Variants in HAT1 observed in about 807,000 individuals in gnomAD.
The protein encoded by HAT1 is histone acetyltransferase type B catalytic subunit.
A neutral mutation model predicts 56.6 loss-of-function variants in HAT1; 20 were observed. The ratio of observed to expected loss-of-function variants is 0.35; its 90% confidence interval spans 0.25 to 0.51. HAT1 has a LOEUF of 0.51. Ranked by LOEUF, HAT1 falls within the 20% of genes least tolerant of loss-of-function variation. HAT1 has a pLI of 0.95. For synonymous variants in HAT1, 146 were observed against 165.5 expected, an observed-to-expected ratio of 0.88 and a Z score of 0.91; for missense variants, 408 against 504.3, an observed-to-expected ratio of 0.81 and a Z score of 1.83.
chr2:171,950,885 C>G (rs1428414959), intron 3 of HAT1, among the ~76,000 whole-genome samples: 1 of 152,118 alleles, frequency 6.6e-6, no homozygotes, highest in Non-Finnish European at 1.5e-5. Context: ...TCTCGGCTCA[C>G]TGCAAGCTGC....
At chr2:171,973,844 G>C (rs780137160) in intron 8 of HAT1, among the ~76,000 whole-genome samples, 1 of 151,992 alleles carries the variant, frequency 6.6e-6, no homozygotes, top group Non-Finnish European at 1.5e-5. Context: ...TGGCACTTCT[G>C]GTACCAAAAA....
intron 9 of HAT1, among the ~76,000 whole-genome samples, chr2:171,976,789 C>T (rs756740243): frequency 6.6e-6 from 1 of 152,120 alleles, no homozygotes; most frequent in South Asian, 2.1e-4. Flanking sequence ...AAGTTTATTA[C>T]ATTTATGTAA....
At chr2:171,967,075 A>T (rs1687699980) in intron 8 of HAT1, 126 bp downstream of exon 8, 2 of 584,408 alleles carry the variant, frequency 3.4e-6, no homozygotes, top group African/African-American at 1.9e-5. Flanking sequence ...TAAGCCATCT[A>T]AAGATGGCTT....
chr2:171,938,361 A>G (rs1258355323), intron 2 of HAT1, among the ~76,000 whole-genome samples: 1 of 152,196 alleles, frequency 6.6e-6, no homozygotes, highest in Non-Finnish European at 1.5e-5. Flanking sequence ...ATTTTTCTTC[A>G]GACCAGGGAG....
At position 171,955,687 on chromosome 2, in the gene HAT1, T is replaced by C. The variant is rs145378739; in HGVS notation, c.309+2686T>C. On this transcript the variant is annotated intron_variant, in intron 4 of 10. Coordinates refer to ENST00000264108, the MANE Select transcript of HAT1 (RefSeq NM_003642.4). ...AGGGCTCAGAATGAAGCTAGGAGTG[T>C]AGGAGAGAACACCTGTATCATCTTA... is the stretch of plus-strand genomic sequence containing the variant. Among the ~76,000 whole-genome samples the C allele has an allele frequency of 7.0e-4, 106 of 152,182 alleles. 1 individual carries two copies. Among genetic ancestry groups the C allele is most frequent in the African/African-American group, 2.3e-3 (97 of 41,510 alleles).
chr2:171,965,312 A>T, intron 4 of HAT1, 26 bp from the exon 5 acceptor site: 2 of 1,379,844 alleles, frequency 1.4e-6, no homozygotes, highest in Non-Finnish European at 2.0e-6. Context: ...ATTTGTTATT[A>T]ATTTTTTATA....
At chr2:171,950,247 T>C (rs1298782874) in intron 3 of HAT1, among the ~76,000 whole-genome samples, 1 of 150,864 alleles carries the variant, frequency 6.6e-6, no homozygotes, top group Non-Finnish European at 1.5e-5. Context: ...TCTTGGCTCA[T>C]TGCATCCTCT....
intron 1 of HAT1, 66 bp downstream of exon 1, chr2:171,922,573 G>A (rs370979529): frequency 3.2e-6 from 4 of 1,256,658 alleles, no homozygotes; most frequent in Non-Finnish European, 4.1e-6. Context: ...ACGCCGAGAC[G>A]GTGGTGACAA....
At chr2:171,947,385 C>G (rs901633646) in intron 3 of HAT1, among the ~76,000 whole-genome samples, 7 of 151,856 alleles carry the variant, frequency 4.6e-5, no homozygotes, top group African/African-American at 1.7e-4. Flanking sequence ...CTCCGAGTAG[C>G]TGGGACTACA....
At chr2:171,951,672 TC>T (rs113556925) in intron 3 of HAT1, among the ~76,000 whole-genome samples, 34,893 of 148,670 alleles carry the variant, frequency 0.23, 5,000 homozygotes, top group African/African-American at 0.39. Context: ...CTTCCAGTGA[TC>T]CCCCCCCGCC....
At chr2:171,936,273 A>G (rs1418679622) in intron 2 of HAT1, among the ~76,000 whole-genome samples, 1 of 152,204 alleles carries the variant, frequency 6.6e-6, no homozygotes, top group African/African-American at 2.4e-5. Context: ...TTAGTCTGAA[A>G]CCAGCAATGA....
At chr2:171,939,413 G>C (rs1686962262) in intron 2 of HAT1, among the ~76,000 whole-genome samples, 1 of 152,178 alleles carries the variant, frequency 6.6e-6, no homozygotes, top group African/African-American at 2.4e-5. Flanking sequence ...GATAGATCAA[G>C]TTTGTTAAAC....
Position 171,967,068 on chromosome 2 carries a change from G to C in HAT1, c.823+119G>C. On this transcript the variant is annotated intron_variant, in intron 8 of 10. Transcript: ENST00000264108. ...AGCAACATTTTCCTAGGGTGTTTAA[G>C]CCATCTAAAGATGGCTTAAGTTTAT... 1.0e-5 allele frequency: 6 copies of C among 595,388 alleles called. No individual in the cohort carries two copies. The South Asian group carries it at 1.3e-4, about 13-fold the overall frequency. 36.9% of individuals were successfully genotyped at this position (595,388 alleles called of 1,614,324 possible).
chr2:171,979,847 T>C (rs1479440781), intron 10 of HAT1: 1 of 154,734 alleles, frequency 6.5e-6, no homozygotes, highest in Non-Finnish European at 1.4e-5. Context: ...CCGGGTGCAG[T>C]GGCTCACGCC....
At position 171,979,300 on chromosome 2, in the gene HAT1, T is replaced by C. The variant is rs200452264; in HGVS notation, c.1029T>C (p.Ser343=). The C allele has an allele frequency of 5.7e-5, 92 of 1,607,888 alleles. No individual in the cohort carries two copies. The highest frequency in any genetic ancestry group is 4.0e-4 in the Admixed American group (24 of 59,440). Residue 343 remains serine, a synonymous_variant, in exon 10 of 11, where the codon AGT becomes AGC. Transcript: ENST00000264108. ...EILRLLVTDM[S]DAEQYRSYRL... ...TTCGACTACTGGTAACTGACATGAG[T>C]GATGCCGAACAATACAGAAGCTACA...
chr2:171,926,946 C>T (rs1025895325), intron 2 of HAT1, among the ~76,000 whole-genome samples: 18 of 152,136 alleles, frequency 1.2e-4, no homozygotes, highest in Non-Finnish European at 2.9e-5. Context: ...TATAGCTATA[C>T]CACGGAATAC....
chr2:171,922,687 G>GCGCCCC (rs978732440), intron 1 of HAT1, 180 bp downstream of exon 1: 5 of 445,798 alleles, frequency 1.1e-5, no homozygotes, highest in African/African-American at 8.1e-5. Context: ...GCGGCGGTCC[G>GCGCCCC]CGCCCCCGCC....
At chr2:171,976,984 G>C (rs1344945802) in intron 9 of HAT1, among the ~76,000 whole-genome samples, 1 of 149,820 alleles carries the variant, frequency 6.7e-6, no homozygotes, top group Non-Finnish European at 1.5e-5. Context: ...CACCATCCTG[G>C]CTAACATGGT....
chr2:171,933,560 A>G (rs1162306866), intron 2 of HAT1, among the ~76,000 whole-genome samples: 1 of 152,120 alleles, frequency 6.6e-6, no homozygotes, highest in African/African-American at 2.4e-5. Flanking sequence ...TTACCTCTAA[A>G]TATTGATATA....
Sources: allele counts gnomAD v4.1 joint callset (sites outside exome capture counted in the v4.1 genomes callset), GRCh38; gene constraint gnomAD v4.1.1; transcripts MANE v1.5; gene names NCBI Gene and HGNC (gene_info 2026-07-23, HGNC 2026-07-21).